Variants in CRPPA observed in about 807,000 individuals in gnomAD.
CRPPA encodes the protein CDP-L-ribitol pyrophosphorylase A, also known as D-ribitol-5-phosphate cytidylyltransferase.
In CRPPA, 43 loss-of-function variants were observed where a neutral mutation model predicts 52.0. The observed-to-expected ratio is 0.83, with a 90% CI of 0.65 to 1.07. The LOEUF (loss-of-function observed/expected upper bound fraction) is 1.07. Among genes scored for constraint, CRPPA ranks in the 50% least tolerant of loss-of-function variants. The pLI is 0.00. For missense variants in CRPPA, 629 were observed against 551.7 expected, an observed-to-expected ratio of 1.14 and a Z score of -1.40; for synonymous variants, 250 against 203.5, an observed-to-expected ratio of 1.23 and a Z score of -1.94.
At chr7:16,208,435 T>TA (rs1269746172) in intron 9 of CRPPA, among the ~76,000 whole-genome samples, 7 of 151,996 alleles carry the variant, frequency 4.6e-5, no homozygotes, top group South Asian at 2.1e-4. Flanking sequence ...ATACATTAGG[T>TA]AAAAAAAATT....
At chr7:16,254,839 AAGAAAGAG>A (rs1783586868) in intron 8 of CRPPA, among the ~76,000 whole-genome samples, 3 of 145,200 alleles carry the variant, frequency 2.1e-5, no homozygotes, top group African/African-American at 7.5e-5. Context: ...GAAAGAAAGA[AAGAAAGAG>A]AAAGAAGAAA....
intron 9 of CRPPA, 91 bp from the exon 10 acceptor site, chr7:16,091,890 G>T (rs748692638): frequency 1.4e-6 from 1 of 695,534 alleles, no homozygotes; most frequent in Non-Finnish European, 2.2e-6. Context: ...GATCTGCTGC[G>T]GTCTGGATTT....
chr7:16,410,404 A>C (rs914418178), intron 1 of CRPPA, among the ~76,000 whole-genome samples: 2 of 152,176 alleles, frequency 1.3e-5, no homozygotes, highest in African/African-American at 4.8e-5. Flanking sequence ...TTTCAAATTA[A>C]AGTTATTAGC....
At chr7:16,397,634 GAC>G (rs1436872121) in intron 2 of CRPPA, among the ~76,000 whole-genome samples, 1 of 152,048 alleles carries the variant, frequency 6.6e-6, no homozygotes, top group Non-Finnish European at 1.5e-5. Flanking sequence ...ACACGTGTGT[GAC>G]ACGTGACACA....
At chr7:16,150,253 T>C (rs1783051362) in intron 9 of CRPPA, among the ~76,000 whole-genome samples, 1 of 152,172 alleles carries the variant, frequency 6.6e-6, no homozygotes. Flanking sequence ...GATTTATTAG[T>C]TTTATTTTTC....
intron 3 of CRPPA, among the ~76,000 whole-genome samples, chr7:16,318,802 G>C (rs984809): frequency 0.93 from 141,644 of 152,240 alleles, 65,983 homozygotes; most frequent in Non-Finnish European, 0.95. Flanking sequence ...AGTCAGGCAA[G>C]CAAATCAAGG....
intron 2 of CRPPA, among the ~76,000 whole-genome samples, chr7:16,381,123 C>A (rs78745829): frequency 6.6e-6 from 1 of 152,004 alleles, no homozygotes; most frequent in Admixed American, 6.6e-5. Flanking sequence ...CTCTTGTGGG[C>A]ATTTAGTGCT....
At chr7:16,351,600 G>A (rs1786154157) in intron 3 of CRPPA, among the ~76,000 whole-genome samples, 1 of 151,836 alleles carries the variant, frequency 6.6e-6, no homozygotes, top group Non-Finnish European at 1.5e-5. Context: ...TCAAACAGTG[G>A]GTAAGGATAT....
At chr7:16,165,226 GA>G (rs36095975) in intron 9 of CRPPA, among the ~76,000 whole-genome samples, 66,555 of 147,656 alleles carry the variant, frequency 0.45, 15,019 homozygotes, top group South Asian at 0.62. Flanking sequence ...CCTCCTCCAA[GA>G]AAAAAAAAAA....
intron 3 of CRPPA, among the ~76,000 whole-genome samples, chr7:16,322,934 G>C (rs1435318032): frequency 2.6e-5 from 4 of 152,142 alleles, no homozygotes; most frequent in South Asian, 4.1e-4. Flanking sequence ...AGTGGCAGGA[G>C]AGAGAATGAG....
intron 9 of CRPPA, among the ~76,000 whole-genome samples, chr7:16,165,493 G>A (rs1240466138): frequency 6.6e-6 from 1 of 152,176 alleles, no homozygotes; most frequent in African/African-American, 2.4e-5. Context: ...GTCAATAACA[G>A]ACACATGTTC....
At chr7:16,212,381 C>T (rs547999147) in intron 9 of CRPPA, among the ~76,000 whole-genome samples, 2 of 152,228 alleles carry the variant, frequency 1.3e-5, no homozygotes, top group South Asian at 2.1e-4. Flanking sequence ...TGGGCTAAAA[C>T]GATACACACT....
At chr7:16,233,622 C>T (rs1782866609) in intron 8 of CRPPA, among the ~76,000 whole-genome samples, 1 of 152,142 alleles carries the variant, frequency 6.6e-6, no homozygotes, top group African/African-American at 2.4e-5. Context: ...TAAGACAGTA[C>T]AATGATGTAT....
chr7:16,228,826 G>T (rs1342521941), intron 8 of CRPPA, among the ~76,000 whole-genome samples: 3 of 151,950 alleles, frequency 2.0e-5, no homozygotes, highest in African/African-American at 7.2e-5. Flanking sequence ...TTGATCAAGA[G>T]CATAGTTTAA....
At chr7:16,354,369 C>G (rs1786242462) in intron 3 of CRPPA, among the ~76,000 whole-genome samples, 1 of 152,090 alleles carries the variant, frequency 6.6e-6, no homozygotes, top group South Asian at 2.1e-4. Context: ...CGGTTGAAAA[C>G]AAAGGGCATT....
chr7:16,244,361 A>G (rs1783208957), intron 8 of CRPPA, among the ~76,000 whole-genome samples: 1 of 152,232 alleles, frequency 6.6e-6, no homozygotes, highest in African/African-American at 2.4e-5. Context: ...ATACCAATGT[A>G]CCAACAACCA....
At chr7:16,300,475 G>A (rs1035914133) in intron 5 of CRPPA, among the ~76,000 whole-genome samples, 1 of 152,194 alleles carries the variant, frequency 6.6e-6, no homozygotes, top group African/African-American at 2.4e-5. Context: ...CAGGATTGGG[G>A]TGAACATCTC....
intron 3 of CRPPA, among the ~76,000 whole-genome samples, chr7:16,345,009 A>T (rs1357958079): frequency 6.6e-6 from 1 of 152,178 alleles, no homozygotes; most frequent in Non-Finnish European, 1.5e-5. Flanking sequence ...AAGAAGCTCA[A>T]ACTACAAGCA....
chr7:16,205,354 A>G (rs1465791325), intron 9 of CRPPA, among the ~76,000 whole-genome samples: 1 of 152,154 alleles, frequency 6.6e-6, no homozygotes, highest in East Asian at 1.9e-4. Flanking sequence ...AATTCATTAG[A>G]AAAACTGAAA....
Sources: gnomAD v4.1 joint callset for allele counts (sites outside exome capture counted in the v4.1 genomes callset) on GRCh38, gnomAD v4.1.1 for gene constraint, MANE v1.5 for transcripts, NCBI Gene and HGNC (gene_info 2026-07-23, HGNC 2026-07-21) for gene names.